FARS2: variants seen among roughly 807,000 people sequenced by gnomAD.
FARS2 encodes phenylalanyl-tRNA synthetase 2, mitochondrial, also known as phenylalanine--tRNA ligase, mitochondrial.
In FARS2, 40 loss-of-function variants were observed where a neutral mutation model predicts 46.4. The ratio of observed to expected loss-of-function variants is 0.86; its 90% confidence interval spans 0.67 to 1.12. The LOEUF is 1.12. Among genes scored for constraint, FARS2 ranks in the 50% most tolerant of loss-of-function variants. FARS2 has a pLI of 0.00. For synonymous variants in FARS2, 234 were observed against 214.9 expected (o/e 1.09, Z -0.78); for missense variants, 513 against 567.9 (o/e 0.90, Z 0.98).
chr6:5,256,563 C>T (rs1185395792), upstream of FARS2, among the ~76,000 whole-genome samples: 2 of 136,064 alleles, frequency 1.5e-5, no homozygotes, highest in African/African-American at 2.7e-5. Flanking sequence ...GGTCTCAGGA[C>T]CCTTTTACAC....
At chr6:5,459,121 G>A (rs1233745643) in intron 4 of FARS2, among the ~76,000 whole-genome samples, 1 of 152,214 alleles carries the variant, frequency 6.6e-6, no homozygotes, top group Non-Finnish European at 1.5e-5. Flanking sequence ...AGCATGGAGG[G>A]AAACATGATT....
chr6:5,609,496 G>A (rs1368915136), intron 5 of FARS2: 9 of 1,226,016 alleles, frequency 7.3e-6, no homozygotes, highest in Non-Finnish European at 9.5e-6. Context: ...CCACCATCAT[G>A]GCTGCCACCA....
chr6:5,315,820 T>A (rs1251422313), intron 1 of FARS2, among the ~76,000 whole-genome samples: 1 of 147,486 alleles, frequency 6.8e-6, no homozygotes, highest in African/African-American at 2.4e-5. Flanking sequence ...TGTGATGCGC[T>A]GCTTATAAAT....
chr6:5,576,567 G>GTATATATCTATGATATGA (rs1561725170), intron 5 of FARS2, among the ~76,000 whole-genome samples: 1 of 145,288 alleles, frequency 6.9e-6, no homozygotes, highest in Non-Finnish European at 1.5e-5. Flanking sequence ...CATATATAGA[G>GTATATATCTATGATATGA]TATATATCTA....
intron 1 of FARS2, among the ~76,000 whole-genome samples, chr6:5,318,948 A>C (rs1769767309): frequency 6.6e-6 from 1 of 152,048 alleles, no homozygotes; most frequent in Non-Finnish European, 1.5e-5. Flanking sequence ...CTGCTTCCCG[A>C]CCCTATTCTC....
intron 1 of FARS2, among the ~76,000 whole-genome samples, chr6:5,312,683 T>C (rs918402885): frequency 6.6e-6 from 1 of 152,186 alleles, no homozygotes; most frequent in Non-Finnish European, 1.5e-5. Context: ...TCTCAGATTT[T>C]CAAGACCACA....
chr6:5,562,726 AC>A (rs58373950), intron 5 of FARS2, among the ~76,000 whole-genome samples: 5,857 of 150,562 alleles, frequency 0.039, 199 homozygotes, highest in African/African-American at 0.091. Flanking sequence ...ACACACACAC[AC>A]AGTGTTTTTC....
At chr6:5,741,782 C>A (rs1761358614) in intron 6 of FARS2, among the ~76,000 whole-genome samples, 1 of 152,332 alleles carries the variant, frequency 6.6e-6, no homozygotes, top group Non-Finnish European at 1.5e-5. Flanking sequence ...TCCTGAGCAG[C>A]TGGGATTACA....
chr6:5,685,847 C>G (rs901410727), intron 6 of FARS2, among the ~76,000 whole-genome samples: 4 of 152,112 alleles, frequency 2.6e-5, no homozygotes, highest in Non-Finnish European at 4.4e-5. Context: ...ATATTTCCTC[C>G]AATTTTAAGG....
intron 4 of FARS2, among the ~76,000 whole-genome samples, chr6:5,514,139 G>A (rs964598025): frequency 6.6e-6 from 1 of 151,754 alleles, no homozygotes; most frequent in Non-Finnish European, 1.5e-5. Flanking sequence ...TGTGCCAGAT[G>A]TGTTGTAGTT....
intron 1 of FARS2, among the ~76,000 whole-genome samples, chr6:5,274,865 C>T (rs1766227263): frequency 6.6e-6 from 1 of 152,138 alleles, no homozygotes; most frequent in Admixed American, 6.5e-5. Flanking sequence ...TGCATGCCAC[C>T]TCACCCAGCT....
intron 3 of FARS2, among the ~76,000 whole-genome samples, chr6:5,421,368 G>C (rs971650567): frequency 6.6e-6 from 1 of 152,232 alleles, no homozygotes; most frequent in African/African-American, 2.4e-5. Flanking sequence ...CCTGTGATGA[G>C]AAGGGCTGCC....
Position 5,471,267 on chromosome 6 carries a change from C to T in FARS2, c.904+40095C>T, listed in dbSNP as rs138581335. On this transcript the variant is annotated intron_variant, in intron 4 of 6. Coordinates refer to ENST00000274680, the MANE Select transcript of FARS2 (RefSeq NM_006567.5). This position sits in a 1 kb window ranked among gnomAD's most constrained non-coding sequence, Gnocchi z 4.1. ...TCTTGCCGAGGCCTTGTTAGTGATC[C>T]GGTGCTAAGCGCCTAAAATAAGTAG... is the stretch of plus-strand genomic sequence containing the variant. Among the ~76,000 whole-genome samples the T allele has an allele frequency of 3.3e-5, 5 of 152,212 alleles. No individual in the cohort carries two copies. The highest frequency in any genetic ancestry group is 3.9e-4 in the East Asian group (2 of 5,174).
At chr6:5,585,791 T>C (rs1773582379) in intron 5 of FARS2, among the ~76,000 whole-genome samples, 1 of 152,084 alleles carries the variant, frequency 6.6e-6, no homozygotes, top group Non-Finnish European at 1.5e-5. Context: ...CATATATATG[T>C]CAATTTCTTT....
intron 1 of FARS2, among the ~76,000 whole-genome samples, chr6:5,280,601 T>C (rs1013498658): frequency 6.6e-6 from 1 of 152,224 alleles, no homozygotes; most frequent in African/African-American, 2.4e-5. Context: ...GATACTTCAG[T>C]TTCTTTATCT....
intron 6 of FARS2, among the ~76,000 whole-genome samples, chr6:5,712,625 T>A (rs190455593): frequency 6.6e-6 from 1 of 152,362 alleles, no homozygotes; most frequent in Non-Finnish European, 1.5e-5. Context: ...CTTACAAAGC[T>A]GGAAAGCGGC....
At chr6:5,668,686 G>GTTTTTTTTTTTTTTTTTTTTTTTTTTT (rs58819474) in intron 6 of FARS2, among the ~76,000 whole-genome samples, 1 of 53,404 alleles carries the variant, frequency 1.9e-5, no homozygotes, top group Non-Finnish European at 3.5e-5. Flanking sequence ...GTGTGTTTGG[G>GTTTTTTTTTTTTTTTTTTTTTTTTTTT]TTTTTTTTTT....
intron 1 of FARS2, among the ~76,000 whole-genome samples, chr6:5,344,897 C>G (rs902738319): frequency 4.0e-5 from 6 of 151,474 alleles, no homozygotes; most frequent in African/African-American, 1.5e-4. Context: ...TCAAACAATT[C>G]TCCTGCCTCA....
chr6:5,637,087 A>T (rs186542132), intron 6 of FARS2, among the ~76,000 whole-genome samples: 1 of 152,364 alleles, frequency 6.6e-6, no homozygotes, highest in East Asian at 1.9e-4. Flanking sequence ...ACCAGGATCC[A>T]GAGCCGAATA....
Sources: allele counts gnomAD v4.1 joint callset (sites outside exome capture counted in the v4.1 genomes callset), GRCh38; gene constraint gnomAD v4.1.1; non-coding constraint Gnocchi (gnomAD v3.1); transcripts MANE v1.5; gene names NCBI Gene and HGNC (gene_info 2026-07-23, HGNC 2026-07-21).